The following RBFOX1 variants were observed in gnomAD, a reference collection of about 807,000 sequenced individuals.
RBFOX1 encodes the protein RNA binding fox-1 homolog 1.
In RBFOX1, 8 loss-of-function variants were observed where a neutral mutation model predicts 57.7. That is an observed-to-expected ratio of 0.14 (90% CI 0.08 to 0.25). The LOEUF (loss-of-function observed/expected upper bound fraction) is 0.25. RBFOX1 is among the 10% of genes least tolerant of loss of function. The pLI, the probability that RBFOX1 is intolerant of heterozygous loss-of-function variation, is 1.00. For synonymous variants in RBFOX1, 326 were observed against 222.4 expected, an observed-to-expected ratio of 1.47 and a Z score of -4.15; for missense variants, 611 against 548.5, an observed-to-expected ratio of 1.11 and a Z score of -1.14.
chr16:6,041,134 T>G (rs934898975), intron 1 of RBFOX1, among the ~76,000 whole-genome samples: 1 of 152,324 alleles, frequency 6.6e-6, no homozygotes. Context: ...CCCCTGCAGG[T>G]TCCTGGCAAC....
At chr16:6,717,323 G>A (rs764899124) in intron 3 of RBFOX1, among the ~76,000 whole-genome samples, 1 of 152,078 alleles carries the variant, frequency 6.6e-6, no homozygotes, top group Admixed American at 6.5e-5. Context: ...TATCAGCTTT[G>A]TGATAAATCT....
intron 12 of RBFOX1, among the ~76,000 whole-genome samples, chr16:7,660,113 C>G (rs187920233): frequency 1.5e-4 from 23 of 152,214 alleles, no homozygotes; most frequent in Admixed American, 1.4e-3. Context: ...TCATATTACA[C>G]GAGCAGATTG....
chr16:7,532,094 T>G (rs1398936733), intron 5 of RBFOX1, among the ~76,000 whole-genome samples: 1 of 152,022 alleles, frequency 6.6e-6, no homozygotes, highest in Non-Finnish European at 1.5e-5. Context: ...TTTAAATAGA[T>G]TGTTCTCTGG....
intron 2 of RBFOX1, among the ~76,000 whole-genome samples, chr16:5,567,973 A>C (rs976183935): frequency 9.2e-5 from 14 of 152,218 alleles, no homozygotes; most frequent in Non-Finnish European, 2.1e-4. Context: ...ATTAGAACTC[A>C]GTGTCCTCTG....
At chr16:6,536,134 C>G (rs1567595016) in intron 2 of RBFOX1, among the ~76,000 whole-genome samples, 1 of 152,150 alleles carries the variant, frequency 6.6e-6, no homozygotes, top group Non-Finnish European at 1.5e-5. Flanking sequence ...AGGTGATTTA[C>G]ACAAATCATC....
chr16:6,229,707 T>TAA (rs5815295), intron 1 of RBFOX1, among the ~76,000 whole-genome samples: 7 of 145,748 alleles, frequency 4.8e-5, no homozygotes, highest in Non-Finnish European at 1.1e-4. Flanking sequence ...TTTCAAGGCT[T>TAA]AAAAAAAAAA....
Position 7,711,281 on chromosome 16 carries a change from A to G in RBFOX1, c.*536A>G, listed in dbSNP as rs1357850374. On this transcript the variant is annotated 3_prime_UTR_variant, in exon 16 of 16. Transcript: ENST00000550418. The stretch of plus-strand genomic sequence containing the variant: ...TAAACGACCCACTGCACCAACAATC[A>G]TTTATCAATGGTTCTAAGTTACTCA... The G allele has an allele frequency of 6.6e-6, 1 of 152,472 alleles. No homozygotes were observed. The highest frequency in any genetic ancestry group is 2.4e-5 in the African/African-American group (1 of 41,420). 9.4% of individuals were successfully genotyped at this position (152,472 alleles called of 1,614,324 possible). A position where few individuals can be genotyped will look rare whatever the true frequency, so the allele number is the denominator to read the frequency against.
intron 3 of RBFOX1, among the ~76,000 whole-genome samples, chr16:6,684,476 C>G (rs755141639): frequency 2.6e-5 from 4 of 152,214 alleles, no homozygotes; most frequent in African/African-American, 9.7e-5. Flanking sequence ...ACCTCCTGAA[C>G]TTAAGTCTTG....
Position 6,886,845 on chromosome 16 carries a change from G to A in RBFOX1, c.-15-165212G>A, listed in dbSNP as rs144416995. ...AAGAAACGTTTGCTTTAGAATCAGT[G>A]AAATATGGCAAAAATAAAAGAGATG... On this transcript the variant is annotated intron_variant, in intron 3 of 15. Coordinates refer to ENST00000550418, the MANE Select transcript of RBFOX1 (RefSeq NM_018723.4). 4.5e-3 allele frequency among the ~76,000 whole-genome samples: 687 copies of A among 152,070 alleles called. 5 individuals carry two copies. Among genetic ancestry groups the A allele is most frequent in the African/African-American group, 0.016 (659 of 41,440 alleles).
chr16:7,234,521 T>A (rs1223008595), intron 4 of RBFOX1, among the ~76,000 whole-genome samples: 1 of 151,926 alleles, frequency 6.6e-6, no homozygotes, highest in Non-Finnish European at 1.5e-5. Context: ...AATATAAGCA[T>A]CGTGTCCTGG....
chr16:5,604,663 G>C (rs2047501557), downstream of RBFOX1, among the ~76,000 whole-genome samples: 1 of 152,140 alleles, frequency 6.6e-6, no homozygotes, highest in South Asian at 2.1e-4. Flanking sequence ...TGATCATGGG[G>C]CCGCACTGAG....
At chr16:5,987,762 G>C (rs1324029924) in intron 4 of RBFOX1, among the ~76,000 whole-genome samples, 1 of 151,988 alleles carries the variant, frequency 6.6e-6, no homozygotes, top group Non-Finnish European at 1.5e-5. Context: ...TATCTTTTTT[G>C]TTTTTGGCTT....
chr16:5,347,074 C>T, intron 1 of RBFOX1, among the ~76,000 whole-genome samples: 1 of 152,126 alleles, frequency 6.6e-6, no homozygotes, highest in Admixed American at 6.5e-5. Context: ...GCCTTTTCAG[C>T]AAGACTTTAT....
chr16:6,979,239 G>C (rs139777244), intron 3 of RBFOX1, among the ~76,000 whole-genome samples: 71 of 152,232 alleles, frequency 4.7e-4, no homozygotes, highest in African/African-American at 1.6e-3. Flanking sequence ...AGGTGAATAA[G>C]AGAAAAATAC....
chr16:5,832,665 G>T (rs184445605), intron 3 of RBFOX1, among the ~76,000 whole-genome samples: 98 of 152,280 alleles, frequency 6.4e-4, no homozygotes, highest in African/African-American at 2.3e-3. Context: ...GCAATTGTGG[G>T]TCAATTAGCC....
chr16:5,482,433 G>A (rs551986258), intron 2 of RBFOX1, among the ~76,000 whole-genome samples: 2 of 152,346 alleles, frequency 1.3e-5, no homozygotes, highest in African/African-American at 4.8e-5. Flanking sequence ...AAATGGCGAG[G>A]TGCAAATTTT....
At chr16:7,366,701 C>G (rs1245392552) in intron 4 of RBFOX1, among the ~76,000 whole-genome samples, 2 of 151,792 alleles carry the variant, frequency 1.3e-5, no homozygotes, top group African/African-American at 2.4e-5. Context: ...GTGCTAAGCC[C>G]TATTAAAATG....
At chr16:7,498,714 C>T (rs574723865) in intron 4 of RBFOX1, among the ~76,000 whole-genome samples, 5 of 152,140 alleles carry the variant, frequency 3.3e-5, no homozygotes, top group African/African-American at 4.8e-5. Flanking sequence ...AGCCACATTT[C>T]AACACCCAAT....
intron 3 of RBFOX1, among the ~76,000 whole-genome samples, chr16:6,982,135 G>A (rs4290487): frequency 0.78 from 118,187 of 151,930 alleles, 46,408 homozygotes; most frequent in African/African-American, 0.89. Flanking sequence ...TTAGTGATAC[G>A]AAGAGTTATC....
Sources: allele counts gnomAD v4.1 joint callset (sites outside exome capture counted in the v4.1 genomes callset), GRCh38; gene constraint gnomAD v4.1.1; transcripts MANE v1.5; gene names NCBI Gene and HGNC (gene_info 2026-07-23, HGNC 2026-07-21).